Variants in IGSF10 observed in about 807,000 individuals in gnomAD.
IGSF10 encodes calvaria mechanical force protein 608.
In IGSF10, 126 loss-of-function variants were observed where a neutral mutation model predicts 128.2. The ratio of observed to expected loss-of-function variants is 0.98; its 90% CI spans 0.85 to 1.14. The LOEUF (loss-of-function observed/expected upper bound fraction) is 1.14, where lower values mean the gene tolerates loss of function less well. Ranked by LOEUF, IGSF10 falls within the 50% of genes most tolerant of loss-of-function variation. The probability of loss-of-function intolerance (pLI) is 0.00; values close to 1 mark genes in which losing one functional copy is unlikely to be tolerated. For synonymous variants in IGSF10, 1,185 were observed against 1,146.2 expected (o/e 1.03, Z -0.68); for missense variants, 3,295 against 3,149.8 (o/e 1.05, Z -1.10).
the IGSF10 span, among the ~76,000 whole-genome samples, chr3:151,618,594 G>C: frequency 4.0e-5 from 6 of 151,792 alleles, no homozygotes; most frequent in Admixed American, 6.6e-5. Context: ...GCCGGGCGTG[G>C]TGGTGGGTGC....
the IGSF10 span, among the ~76,000 whole-genome samples, chr3:151,530,199 T>C: frequency 6.6e-6 from 1 of 151,850 alleles, no homozygotes; most frequent in African/African-American, 2.4e-5. Context: ...CTCCAAAAAA[T>C]ATGGGACTAT....
downstream of IGSF10, chr3:151,435,078 T>G (rs1438017949): frequency 6.6e-6 from 1 of 150,826 alleles, no homozygotes. Flanking sequence ...TTTTTTTTTT[T>G]TTTTCTTTTC....
the IGSF10 span, among the ~76,000 whole-genome samples, chr3:151,467,314 C>T: frequency 3.9e-5 from 6 of 152,176 alleles, no homozygotes; most frequent in African/African-American, 1.4e-4. Context: ...CCAGGCCTGT[C>T]TGCTATAACT....
the IGSF10 span, among the ~76,000 whole-genome samples, chr3:151,523,173 A>C: frequency 6.6e-6 from 1 of 152,154 alleles, no homozygotes; most frequent in Non-Finnish European, 1.5e-5. Context: ...GAGATGACAC[A>C]AACTAATGGA....
In IGSF10 at chr3:151,437,974, C is replaced by T. The variant is rs773600493; in HGVS notation, c.6587G>A (p.Gly2196Glu). The change falls in exon 8 of 8, where the codon GGG becomes GAG. Residue 2196 changes from glycine (G) to glutamate (E), a missense_variant. Coordinates refer to ENST00000282466, the MANE Select transcript of IGSF10 (RefSeq NM_178822.5). ...TTTCACTTTGTTGATGGTCAAAGAC[C>T]CATTGGCATGAAATGTGTACCTATC... ...SIDRYTFHAN[G>E]SLTINKVKLL... 6.2e-7 allele frequency: 1 copy of T among 1,614,104 alleles called. No homozygotes were observed. The highest frequency in any genetic ancestry group is 1.1e-5 in the South Asian group (1 of 91,076).
chr3:151,570,766 T>C, the IGSF10 span, among the ~76,000 whole-genome samples: 3 of 152,234 alleles, frequency 2.0e-5, no homozygotes. Flanking sequence ...ATTTTGGCTT[T>C]CATTGCCATT....
At chr3:151,533,191 C>T in the IGSF10 span, among the ~76,000 whole-genome samples, 1 of 152,162 alleles carries the variant, frequency 6.6e-6, no homozygotes, top group African/African-American at 2.4e-5. Context: ...ACATTCCATG[C>T]TCATGGATAG....
the IGSF10 span, among the ~76,000 whole-genome samples, chr3:151,505,837 G>C: frequency 6.6e-6 from 1 of 152,166 alleles, no homozygotes; most frequent in Non-Finnish European, 1.5e-5. Context: ...AATTAAACCT[G>C]CTAATCTTCT....
the IGSF10 span, among the ~76,000 whole-genome samples, chr3:151,566,700 T>C: frequency 6.6e-6 from 1 of 152,242 alleles, no homozygotes; most frequent in African/African-American, 2.4e-5. Flanking sequence ...TAGAGTGCTA[T>C]GTGCCGGAGG....
the IGSF10 span, among the ~76,000 whole-genome samples, chr3:151,617,319 C>CTTTTT: frequency 9.3e-6 from 1 of 107,124 alleles, no homozygotes; most frequent in African/African-American, 4.2e-5. Context: ...TCTTCTTCTT[C>CTTTTT]CCCTCCTCCT....
Position 151,453,668 on chromosome 3 carries a change from A to G in IGSF10, c.431T>C (p.Ile144Thr), listed in dbSNP as rs1721629206. Reference protein sequence around the residue: ...LHMDHNNIEFINPEVFYGLNF... With the variant: ...LHMDHNNIEFTNPEVFYGLNF... ...GAGCCCATAAAAAACCTCTGGGTTT[A>G]TAAACTCAATATTGTTGTGGTCCAT... The change falls in exon 5 of 8, where the codon ATA becomes ACA. Residue 144 changes from isoleucine (I) to threonine (T), a missense_variant. Physicochemically the swap from Ile to Thr is moderately conservative, Grantham distance 89. Coordinates refer to ENST00000282466, the MANE Select transcript of IGSF10 (RefSeq NM_178822.5). 1 of 1,613,748 alleles carries G rather than the reference A, an allele frequency of 6.2e-7. No homozygotes were observed. The highest frequency in any genetic ancestry group is 8.5e-7 in the Non-Finnish European group (1 of 1,179,594).
chr3:151,447,969 T>TCCAA lies in IGSF10; in HGVS notation c.2008_2011dup (p.Glu671ValfsTer4), dbSNP rs1721298737. 2 of 1,614,038 alleles carry TCCAA rather than the reference T, an allele frequency of 1.2e-6. No individual in the cohort carries two copies. The highest frequency in any genetic ancestry group is 1.6e-4 in the Middle Eastern group (1 of 6,084). Reference sequence around the variant, plus strand: ...AGATCCCTCTGTTTCTCCATCATGCTCCAAGGGCCTTTGTCCTTTCATCTT... The same window carrying TCCAA: ...AGATCCCTCTGTTTCTCCATCATGCTCCAACCAAGGGCCTTTGTCCTTTCATCTT... On this transcript the variant is annotated frameshift_variant, in exon 6 of 8. Transcript: ENST00000282466. LOFTEE classifies it high-confidence loss of function.
Position 151,448,806 on chromosome 3 carries a change from T to C in IGSF10, c.1175A>G (p.His392Arg). Reference sequence around the variant, plus strand: ...GAGCTGCGGTGTTTCACTAAGCAAGTGGCTCCTTTCTAGTATCAGAGGAGA... The same window carrying C: ...GAGCTGCGGTGTTTCACTAAGCAAGCGGCTCCTTTCTAGTATCAGAGGAGA... ...SDSPLILERSHLLSETPQLYY... is the reference protein window; with the variant it reads ...SDSPLILERSRLLSETPQLYY... The change falls in exon 6 of 8, where the codon CAC becomes CGC. Residue 392 changes from histidine (H) to arginine (R), a missense_variant. His to Arg is a conservative substitution (Grantham distance 29). Coordinates refer to ENST00000282466, the MANE Select transcript of IGSF10 (RefSeq NM_178822.5). The C allele has an allele frequency of 1.2e-6, 2 of 1,613,478 alleles. No homozygotes were observed. The highest frequency in any genetic ancestry group is 1.3e-5 in the African/African-American group (1 of 75,042).
At chr3:151,501,635 C>A in the IGSF10 span, among the ~76,000 whole-genome samples, 1 of 151,876 alleles carries the variant, frequency 6.6e-6, no homozygotes, top group African/African-American at 2.4e-5. Context: ...GGTGGTTTGG[C>A]CAAAATGTGT....
the IGSF10 span, among the ~76,000 whole-genome samples, chr3:151,469,176 G>A: frequency 2.0e-4 from 30 of 152,218 alleles, no homozygotes; most frequent in East Asian, 3.9e-3. Context: ...CTTTGCTATC[G>A]TGAATAGTGC....
At chr3:151,461,935 A>C (rs568058652), upstream of IGSF10, among the ~76,000 whole-genome samples, 3 of 152,330 alleles carry the variant, frequency 2.0e-5, no homozygotes, top group East Asian at 5.8e-4. Context: ...ACTGCCAAAC[A>C]ATATTACATC....
At chr3:151,514,931 C>T in the IGSF10 span, among the ~76,000 whole-genome samples, 3 of 152,250 alleles carry the variant, frequency 2.0e-5, no homozygotes, top group African/African-American at 7.2e-5. Context: ...CCATTTCCCA[C>T]CAGTTAGAAT....
chr3:151,560,704 C>CG, the IGSF10 span, among the ~76,000 whole-genome samples: 1 of 151,132 alleles, frequency 6.6e-6, no homozygotes, highest in African/African-American at 2.4e-5. Flanking sequence ...TTGCCATAGC[C>CG]CCCCCCTCCG....
chr3:151,549,416 A>G, the IGSF10 span, among the ~76,000 whole-genome samples: 9 of 152,318 alleles, frequency 5.9e-5, no homozygotes, highest in South Asian at 8.3e-4. Context: ...GGCATATAAC[A>G]TGAAGATACT....
Sources: gnomAD v4.1 joint callset for allele counts (sites outside exome capture counted in the v4.1 genomes callset) on GRCh38, gnomAD v4.1.1 for gene constraint, MANE v1.5 for transcripts, NCBI Gene and HGNC (gene_info 2026-07-23, HGNC 2026-07-21) for gene names.